LRRC7: variants seen among roughly 807,000 people sequenced by gnomAD.
LRRC7 encodes the protein leucine-rich repeat-containing protein 7.
Under a neutral mutation model 175.7 loss-of-function variants are expected in LRRC7, and 23 were observed. The ratio of observed to expected loss-of-function variants is 0.13; its 90% CI spans 0.09 to 0.19. The LOEUF is 0.19. Among genes scored for constraint, LRRC7 ranks in the 10% least tolerant of loss-of-function variants. The pLI is 1.00. For synonymous variants in LRRC7, 685 were observed against 680.9 expected (o/e 1.01, Z -0.09); for missense variants, 1,354 against 1,904.7 (o/e 0.71, Z 5.38).
chr1:69,609,914 T>G (rs992218979), intron 1 of LRRC7, among the ~76,000 whole-genome samples: 1 of 152,082 alleles, frequency 6.6e-6, no homozygotes, highest in Non-Finnish European at 1.5e-5. Flanking sequence ...TTTTTATATT[T>G]ATAACCAAAA....
At chr1:69,602,416 C>T (rs1279433714) in intron 1 of LRRC7, among the ~76,000 whole-genome samples, 8 of 152,186 alleles carry the variant, frequency 5.3e-5, no homozygotes, top group East Asian at 1.9e-4. Flanking sequence ...TGGCAGACAG[C>T]TAATGCTATG....
chr1:70,100,695 TTC>T (rs1433091555), intron 25 of LRRC7, among the ~76,000 whole-genome samples: 1 of 152,084 alleles, frequency 6.6e-6, no homozygotes, highest in East Asian at 1.9e-4. Flanking sequence ...TCCTTAAATT[TTC>T]TGTTTCTAAA....
chr1:70,121,645 A>G, intron 26 of LRRC7, 135 bp from the exon 27 acceptor site: 1 of 603,572 alleles, frequency 1.7e-6, no homozygotes, highest in East Asian at 2.8e-5. Flanking sequence ...TACTTCCATA[A>G]TTGCGATTCC....
At chr1:69,739,620 G>T (rs968990147) in intron 2 of LRRC7, among the ~76,000 whole-genome samples, 61 of 151,990 alleles carry the variant, frequency 4.0e-4, no homozygotes, top group African/African-American at 1.4e-3. Flanking sequence ...TTTTTCAATT[G>T]TTCCGACTAG....
intron 1 of LRRC7, among the ~76,000 whole-genome samples, chr1:69,574,299 G>A (rs1645858156): frequency 6.6e-6 from 1 of 152,040 alleles, no homozygotes; most frequent in African/African-American, 2.4e-5. Context: ...ATGGTATTGT[G>A]AAAAGCAGAA....
At chr1:70,114,474 G>A (rs1196904470) in intron 26 of LRRC7, among the ~76,000 whole-genome samples, 1 of 152,098 alleles carries the variant, frequency 6.6e-6, no homozygotes, top group Admixed American at 6.5e-5. Context: ...GATTGCTTGA[G>A]GCCAGGAGTT....
At chr1:69,772,116 C>T (rs540488027) in intron 3 of LRRC7, among the ~76,000 whole-genome samples, 8 of 151,654 alleles carry the variant, frequency 5.3e-5, no homozygotes, top group African/African-American at 7.3e-5. Flanking sequence ...AGTGAAACTC[C>T]GCCTCTAAAT....
intron 1 of LRRC7, among the ~76,000 whole-genome samples, chr1:69,647,816 GA>G (rs1277527402): frequency 6.6e-6 from 1 of 151,912 alleles, no homozygotes; most frequent in Non-Finnish European, 1.5e-5. Flanking sequence ...CATATGGGAT[GA>G]TTTTTTCAAT....
intron 8 of LRRC7, among the ~76,000 whole-genome samples, chr1:69,946,137 G>T (rs372051422): frequency 6.6e-6 from 1 of 152,118 alleles, no homozygotes. Flanking sequence ...TAGCATGTTG[G>T]GGTACATTTT....
chr1:69,609,766 A>G (rs1232049064), intron 1 of LRRC7, among the ~76,000 whole-genome samples: 5 of 152,016 alleles, frequency 3.3e-5, no homozygotes, highest in Non-Finnish European at 5.9e-5. Context: ...TGATATTTAG[A>G]TTGTTTCTTT....
chr1:69,711,620 A>C (rs1393183334), intron 2 of LRRC7, among the ~76,000 whole-genome samples: 1 of 152,220 alleles, frequency 6.6e-6, no homozygotes, highest in African/African-American at 2.4e-5. Context: ...ATTTAAATAT[A>C]ATTGAAATGT....
intron 1 of LRRC7, among the ~76,000 whole-genome samples, chr1:69,673,210 A>G (rs1659336590): frequency 2.6e-5 from 4 of 152,224 alleles, no homozygotes. Flanking sequence ...CTACTGCATG[A>G]TAATCTTTAG....
intron 1 of LRRC7, among the ~76,000 whole-genome samples, chr1:69,603,959 T>C (rs1323321857): frequency 1.3e-5 from 2 of 152,094 alleles, no homozygotes; most frequent in Non-Finnish European, 2.9e-5. Context: ...TCCCAAAAAA[T>C]TTAATAAAAA....
At chr1:69,611,735 T>C (rs1273377266) in intron 1 of LRRC7, among the ~76,000 whole-genome samples, 1 of 152,008 alleles carries the variant, frequency 6.6e-6, no homozygotes, top group African/African-American at 2.4e-5. Flanking sequence ...AGCACTATGT[T>C]TGATGGCTGT....
At chr1:69,610,347 G>T (rs1749502) in intron 1 of LRRC7, among the ~76,000 whole-genome samples, 20,941 of 151,828 alleles carry the variant, frequency 0.14, 1,703 homozygotes, top group South Asian at 0.18. Flanking sequence ...TTTATCTATG[G>T]TGCTGTGTAC....
intron 2 of LRRC7, among the ~76,000 whole-genome samples, chr1:69,724,097 T>A (rs1053647766): frequency 6.6e-6 from 1 of 152,220 alleles, no homozygotes; most frequent in East Asian, 1.9e-4. Flanking sequence ...CTATCTTCTA[T>A]GACTGTTTAA....
chr1:69,905,419 C>G (rs1316296760), intron 7 of LRRC7, among the ~76,000 whole-genome samples: 1 of 152,100 alleles, frequency 6.6e-6, no homozygotes, highest in Non-Finnish European at 1.5e-5. Context: ...CCCACCACCC[C>G]ACAACAGTCC....
At chr1:69,790,932 C>T (rs192318551) in intron 3 of LRRC7, among the ~76,000 whole-genome samples, 1 of 151,872 alleles carries the variant, frequency 6.6e-6, no homozygotes, top group South Asian at 2.1e-4. Flanking sequence ...ACAACCAGCC[C>T]AATTTATTTT....
At chr1:69,659,072 T>C (rs1657061540) in intron 1 of LRRC7, among the ~76,000 whole-genome samples, 1 of 152,026 alleles carries the variant, frequency 6.6e-6, no homozygotes, top group South Asian at 2.1e-4. Context: ...ATGCAGCTTC[T>C]GCTCACCCAC....
Sources: gnomAD v4.1 joint callset for allele counts (sites outside exome capture counted in the v4.1 genomes callset) on GRCh38, gnomAD v4.1.1 for gene constraint, MANE v1.5 for transcripts, NCBI Gene and HGNC (gene_info 2026-07-23, HGNC 2026-07-21) for gene names.